The following FHIT variants were observed in gnomAD, a reference collection of about 807,000 sequenced individuals.
The protein encoded by FHIT is fragile histidine triad diadenosine triphosphatase.
A neutral mutation model predicts 17.9 loss-of-function variants in FHIT; 19 were observed. That is an observed-to-expected ratio of 1.06 (90% CI 0.74 to 1.56). The LOEUF is 1.56. Among genes scored for constraint, FHIT ranks in the 40% most tolerant of loss-of-function variants. The pLI, the probability that FHIT is intolerant of heterozygous loss-of-function variation, is 0.00. For synonymous variants in FHIT, 81 were observed against 69.7 expected (o/e 1.16, Z -0.81); for missense variants, 248 against 189.2 (o/e 1.31, Z -1.82).
chr3:60,762,010 G>A (rs1289688228), intron 4 of FHIT, among the ~76,000 whole-genome samples: 4 of 152,080 alleles, frequency 2.6e-5, no homozygotes, highest in African/African-American at 9.7e-5. Context: ...TTGATCCTGG[G>A]TTCAATTCAC....
In FHIT at chr3:60,737,958, C is replaced by T. The variant is rs547420453; in HGVS notation, c.-18+83961G>A. On this transcript the variant is annotated intron_variant, in intron 4 of 9. Transcript: ENST00000492590. ...ATATTAAGCAGCCCATTTTATGAACCTCGGCTAAAGGAGCATTTGCATTAA... is the reference window on the plus strand; with the variant it reads ...ATATTAAGCAGCCCATTTTATGAACTTCGGCTAAAGGAGCATTTGCATTAA... Among the ~76,000 whole-genome samples, 4 of 152,170 alleles carry T rather than the reference C, an allele frequency of 2.6e-5. No individual in the cohort carries two copies. In the South Asian group the frequency reaches 8.3e-4, roughly 32 times the overall value.
chr3:60,048,118 G>C (rs954031349), intron 5 of FHIT, among the ~76,000 whole-genome samples: 3 of 152,094 alleles, frequency 2.0e-5, no homozygotes, highest in Non-Finnish European at 1.5e-5. Flanking sequence ...CCACGTATAA[G>C]AACATCAGCC....
intron 8 of FHIT, among the ~76,000 whole-genome samples, chr3:59,791,237 T>C (rs1699543325): frequency 6.6e-6 from 1 of 152,136 alleles, no homozygotes; most frequent in Non-Finnish European, 1.5e-5. Flanking sequence ...CTTCTGGCCA[T>C]GGTTATTGGC....
intron 5 of FHIT, among the ~76,000 whole-genome samples, chr3:60,045,872 G>C (rs1701633824): frequency 6.6e-6 from 1 of 152,180 alleles, no homozygotes; most frequent in Admixed American, 6.5e-5. Flanking sequence ...GGCATGGTGA[G>C]TTTCATCTAA....
At chr3:60,540,559 G>C (rs2036153571) in intron 4 of FHIT, among the ~76,000 whole-genome samples, 1 of 152,174 alleles carries the variant, frequency 6.6e-6, no homozygotes, top group Non-Finnish European at 1.5e-5. Context: ...CCGCTGCTTT[G>C]TGTGTTGGGG....
At chr3:60,749,001 G>C (rs2042415625) in intron 4 of FHIT, among the ~76,000 whole-genome samples, 1 of 152,104 alleles carries the variant, frequency 6.6e-6, no homozygotes, top group Non-Finnish European at 1.5e-5. Flanking sequence ...CTCAGATATG[G>C]AGGGGCAAAT....
chr3:60,871,462 C>A (rs1704413693), intron 3 of FHIT, among the ~76,000 whole-genome samples: 1 of 152,128 alleles, frequency 6.6e-6, no homozygotes, highest in South Asian at 2.1e-4. Context: ...ACTGTCACCA[C>A]AACTTTTTCA....
At chr3:61,113,320 A>G (rs1392481680) in intron 2 of FHIT, among the ~76,000 whole-genome samples, 2 of 152,116 alleles carry the variant, frequency 1.3e-5, no homozygotes, top group African/African-American at 4.8e-5. Context: ...TCTTTGAACA[A>G]TTCTTCCAAG....
At chr3:59,934,185 ATTT>A (rs1280176086) in intron 7 of FHIT, among the ~76,000 whole-genome samples, 1 of 152,200 alleles carries the variant, frequency 6.6e-6, no homozygotes, top group Non-Finnish European at 1.5e-5. Flanking sequence ...GATCTCAATT[ATTT>A]ATCATAAAAC....
intron 5 of FHIT, among the ~76,000 whole-genome samples, chr3:60,268,309 T>G (rs1041282650): frequency 3.9e-5 from 6 of 152,232 alleles, no homozygotes; most frequent in African/African-American, 1.4e-4. Flanking sequence ...TCACTTCTCA[T>G]TCTCAGATTA....
intron 5 of FHIT, among the ~76,000 whole-genome samples, chr3:60,484,681 A>ATACAAAAATTAACTC (rs542616831): frequency 1.5e-3 from 227 of 152,354 alleles, no homozygotes; most frequent in Non-Finnish European, 2.9e-3. Flanking sequence ...AAGATGGATT[A>ATACAAAAATTAACTC]AAGACTTAAA....
chr3:60,745,700 A>G (rs1275249075), intron 4 of FHIT, among the ~76,000 whole-genome samples: 1 of 152,166 alleles, frequency 6.6e-6, no homozygotes, highest in Non-Finnish European at 1.5e-5. Flanking sequence ...ATGTAGCCAC[A>G]TTGACATATT....
chr3:60,531,291 T>C, intron 5 of FHIT, among the ~76,000 whole-genome samples: 1 of 148,136 alleles, frequency 6.8e-6, no homozygotes, highest in Non-Finnish European at 1.5e-5. Flanking sequence ...TTTTTTTTTT[T>C]TTTTTGAGAC....
chr3:60,476,722 TG>T (rs1321752238), intron 5 of FHIT, among the ~76,000 whole-genome samples: 2 of 152,132 alleles, frequency 1.3e-5, no homozygotes, highest in Non-Finnish European at 2.9e-5. Context: ...ATTTGGGCAC[TG>T]GGTATAAACA....
At chr3:61,048,973 T>C (rs1223996143) in intron 2 of FHIT, among the ~76,000 whole-genome samples, 2 of 151,700 alleles carry the variant, frequency 1.3e-5, no homozygotes, top group Non-Finnish European at 2.9e-5. Flanking sequence ...CAGGGCCTGT[T>C]GTGGGGTTGG....
At chr3:60,794,551 G>T (rs1267286930) in intron 4 of FHIT, among the ~76,000 whole-genome samples, 2 of 152,114 alleles carry the variant, frequency 1.3e-5, no homozygotes, top group African/African-American at 2.4e-5. Context: ...TTTATGGATG[G>T]ATTGACAGTT....
At chr3:60,361,535 C>G (rs1259835319) in intron 5 of FHIT, among the ~76,000 whole-genome samples, 1 of 152,238 alleles carries the variant, frequency 6.6e-6, no homozygotes, top group African/African-American at 2.4e-5. Flanking sequence ...AGCAAGTAAA[C>G]AAAGGATGGA....
At chr3:61,219,211 A>C (rs1291881441) in intron 1 of FHIT, among the ~76,000 whole-genome samples, 1 of 152,198 alleles carries the variant, frequency 6.6e-6, no homozygotes, top group Non-Finnish European at 1.5e-5. Flanking sequence ...CCATGGTCCT[A>C]TTTGCAGTCC....
In FHIT at chr3:60,870,355, T is replaced by A. The variant is rs548724760; in HGVS notation, c.-110-48344A>T. ...GAAAAAGTGGTCAGTTGTAGAAAAATATACAAAGAAAAGCTACAAAGAGAT... is the reference window on the plus strand; with the variant it reads ...GAAAAAGTGGTCAGTTGTAGAAAAAAATACAAAGAAAAGCTACAAAGAGAT... On this transcript the variant is annotated intron_variant, in intron 3 of 9. Coordinates refer to ENST00000492590, the MANE Select transcript of FHIT (RefSeq NM_002012.4). 1.1e-4 allele frequency among the ~76,000 whole-genome samples: 17 copies of A among 152,058 alleles called. No homozygotes were observed. The South Asian group carries it at 3.5e-3, about 32-fold the overall frequency.
Sources: allele counts gnomAD v4.1 joint callset (sites outside exome capture counted in the v4.1 genomes callset), GRCh38; gene constraint gnomAD v4.1.1; transcripts MANE v1.5; gene names NCBI Gene and HGNC (gene_info 2026-07-23, HGNC 2026-07-21).